SLC24A2: variants seen among roughly 807,000 people sequenced by gnomAD.
The protein encoded by SLC24A2 is sodium/potassium/calcium exchanger 2.
A neutral mutation model predicts 62.0 loss-of-function variants in SLC24A2; 36 were observed. The observed-to-expected ratio is 0.58, with a 90% CI of 0.44 to 0.77. The LOEUF (loss-of-function observed/expected upper bound fraction) is 0.77, where lower values mean the gene tolerates loss of function less well. SLC24A2 is among the 30% of genes least tolerant of loss of function. SLC24A2 has a pLI of 0.00. For synonymous variants in SLC24A2, 358 were observed against 294.0 expected (o/e 1.22, Z -2.23); for missense variants, 846 against 817.9 (o/e 1.03, Z -0.42).
At chr9:19,975,666 T>C in the SLC24A2 span, among the ~76,000 whole-genome samples, 1 of 152,214 alleles carries the variant, frequency 6.6e-6, no homozygotes, top group Non-Finnish European at 1.5e-5. Context: ...ATGACACATA[T>C]CCATTTCTGT....
chr9:20,141,088 G>A, the SLC24A2 span, among the ~76,000 whole-genome samples: 2 of 152,108 alleles, frequency 1.3e-5, no homozygotes, highest in East Asian at 1.9e-4. Context: ...GGGTTCAAAT[G>A]CCTGATCCGC....
chr9:20,042,387 C>A, the SLC24A2 span, among the ~76,000 whole-genome samples: 9 of 152,308 alleles, frequency 5.9e-5, no homozygotes, highest in African/African-American at 7.2e-5. Context: ...ATAAGGACAT[C>A]TGAGCCTTCT....
At chr9:20,062,261 C>T in the SLC24A2 span, among the ~76,000 whole-genome samples, 1 of 151,882 alleles carries the variant, frequency 6.6e-6, no homozygotes, top group African/African-American at 2.4e-5. Context: ...GACTTAGTAA[C>T]CAAAACAGCA....
chr9:20,030,614 C>T, the SLC24A2 span, among the ~76,000 whole-genome samples: 1 of 152,200 alleles, frequency 6.6e-6, no homozygotes, highest in African/African-American at 2.4e-5. Context: ...CCCTTTCTGG[C>T]TCCATGTCTT....
At chr9:19,762,999 G>A (rs1177725002) in intron 2 of SLC24A2, among the ~76,000 whole-genome samples, 1 of 152,010 alleles carries the variant, frequency 6.6e-6, no homozygotes, top group East Asian at 1.9e-4. Flanking sequence ...ATTTCCTTGA[G>A]CAGTGGTTTA....
chr9:19,653,119 G>C (rs962923327), intron 2 of SLC24A2, among the ~76,000 whole-genome samples: 1 of 152,178 alleles, frequency 6.6e-6, no homozygotes, highest in Non-Finnish European at 1.5e-5. Context: ...ACTTGGACAT[G>C]TACAGCTAAG....
At chr9:20,303,742 A>G in the SLC24A2 span, among the ~76,000 whole-genome samples, 111 of 152,350 alleles carry the variant, frequency 7.3e-4, no homozygotes, top group African/African-American at 2.5e-3. Flanking sequence ...CTTTGCCACC[A>G]GAAGGGTTCA....
chr9:19,798,890 C>CT, the SLC24A2 span, among the ~76,000 whole-genome samples: 2 of 152,176 alleles, frequency 1.3e-5, no homozygotes, highest in African/African-American at 2.4e-5. Flanking sequence ...AAAAATGTGA[C>CT]TTTTTTCTGT....
At chr9:20,235,542 A>T in the SLC24A2 span, among the ~76,000 whole-genome samples, 1 of 152,248 alleles carries the variant, frequency 6.6e-6, no homozygotes, top group Non-Finnish European at 1.5e-5. Flanking sequence ...TATGCGGGAT[A>T]TAATCTCCTG....
At chr9:19,535,485 G>C (rs906824866) in intron 8 of SLC24A2, among the ~76,000 whole-genome samples, 15 of 152,084 alleles carry the variant, frequency 9.9e-5, no homozygotes, top group Admixed American at 9.2e-4. Context: ...TACGGTTTTA[G>C]GTCTTAAGGT....
intron 5 of SLC24A2, among the ~76,000 whole-genome samples, chr9:19,591,394 C>G (rs952451738): frequency 6.6e-6 from 1 of 152,198 alleles, no homozygotes; most frequent in Non-Finnish European, 1.5e-5. Flanking sequence ...AGTTGCCTAT[C>G]CAATATCTAT....
the SLC24A2 span, among the ~76,000 whole-genome samples, chr9:20,015,906 G>A: frequency 6.6e-6 from 1 of 152,156 alleles, no homozygotes; most frequent in South Asian, 2.1e-4. Context: ...ACATAAGACT[G>A]CATGTAAATG....
At chr9:19,747,600 C>G (rs971335319) in intron 2 of SLC24A2, among the ~76,000 whole-genome samples, 1 of 152,174 alleles carries the variant, frequency 6.6e-6, no homozygotes, top group African/African-American at 2.4e-5. Flanking sequence ...ATCACTTTGC[C>G]TTTCAAGAGA....
intron 2 of SLC24A2, among the ~76,000 whole-genome samples, chr9:19,742,528 G>A (rs975916766): frequency 1.1e-4 from 16 of 152,080 alleles, no homozygotes; most frequent in African/African-American, 3.9e-4. Flanking sequence ...AGATCATGAG[G>A]TTCACATTCA....
intron 2 of SLC24A2, among the ~76,000 whole-genome samples, chr9:19,774,808 A>T (rs1417041977): frequency 6.6e-6 from 1 of 152,198 alleles, no homozygotes; most frequent in Non-Finnish European, 1.5e-5. Context: ...GATCCTCTTT[A>T]ATTGGGTTTC....
At chr9:19,720,160 GA>G (rs1196825728) in intron 2 of SLC24A2, among the ~76,000 whole-genome samples, 1 of 152,158 alleles carries the variant, frequency 6.6e-6, no homozygotes, top group African/African-American at 2.4e-5. Context: ...ATATGATCAA[GA>G]AATGTAGGTA....
chr9:20,049,358 C>T, the SLC24A2 span, among the ~76,000 whole-genome samples: 2 of 152,080 alleles, frequency 1.3e-5, no homozygotes, highest in South Asian at 2.1e-4. Context: ...TGCGTGACTC[C>T]AATGAACTTT....
At chr9:19,813,386 G>A in the SLC24A2 span, among the ~76,000 whole-genome samples, 4 of 130,254 alleles carry the variant, frequency 3.1e-5, no homozygotes, top group Non-Finnish European at 6.2e-5. Context: ...GCGGTGGCAC[G>A]ATCTCGGCTC....
At chr9:20,111,180 C>G in the SLC24A2 span, among the ~76,000 whole-genome samples, 17,087 of 152,136 alleles carry the variant, frequency 0.11, 1,018 homozygotes, top group Middle Eastern at 0.18. Context: ...GCATTTGGTT[C>G]GATTTGGCAA....
Sources: gnomAD v4.1 joint callset for allele counts (sites outside exome capture counted in the v4.1 genomes callset) on GRCh38, gnomAD v4.1.1 for gene constraint, MANE v1.5 for transcripts, NCBI Gene and HGNC (gene_info 2026-07-23, HGNC 2026-07-21) for gene names.